EPHA4: variants seen among roughly 807,000 people sequenced by gnomAD.
The protein encoded by EPHA4 is EPH receptor A4.
In EPHA4, 19 loss-of-function variants were observed where a neutral mutation model predicts 108.3. The ratio of observed to expected loss-of-function variants is 0.18; its 90% CI spans 0.12 to 0.26. The LOEUF is 0.26. Among genes scored for constraint, EPHA4 ranks in the 10% least tolerant of loss-of-function variants. EPHA4 has a pLI of 1.00. For synonymous variants in EPHA4, 449 were observed against 455.5 expected (o/e 0.99, Z 0.18); for missense variants, 917 against 1,254.0 (o/e 0.73, Z 4.06).
At chr2:221,468,065 G>C (rs1269789048) in intron 5 of EPHA4, among the ~76,000 whole-genome samples, 4 of 152,066 alleles carry the variant, frequency 2.6e-5, no homozygotes, top group Non-Finnish European at 5.9e-5. Context: ...CTAGTGAGAT[G>C]AATCTTCTCA....
At chr2:221,523,092 T>C (rs1160118174) in intron 3 of EPHA4, among the ~76,000 whole-genome samples, 1 of 151,930 alleles carries the variant, frequency 6.6e-6, no homozygotes, top group Non-Finnish European at 1.5e-5. Flanking sequence ...TCTGTCCTTA[T>C]GCAGCATTTG....
intron 3 of EPHA4, among the ~76,000 whole-genome samples, chr2:221,508,477 G>C (rs1692700073): frequency 6.6e-6 from 1 of 152,000 alleles, no homozygotes; most frequent in Non-Finnish European, 1.5e-5. Context: ...TATTCTGGAG[G>C]CTGAGGCAGG....
At position 221,434,133 on chromosome 2, in the gene EPHA4, G is replaced by A. The variant is rs1188524432; in HGVS notation, c.2496+9C>T. 7 of 1,608,434 alleles carry A rather than the reference G, an allele frequency of 4.4e-6. No homozygotes were observed. The highest frequency in any genetic ancestry group is 2.2e-5 in the East Asian group (1 of 44,614). On this transcript the variant is annotated intron_variant, in intron 14 of 17. Coordinates refer to ENST00000281821, the MANE Select transcript of EPHA4 (RefSeq NM_004438.5). ...GTGAAAAAATATATTTCAGAACATA[G>A]AGACTTACATCTTGATTGGACATAT...
rs1689889070 is a variant in EPHA4, at chr2:221,425,967, A to G, written c.*61T>C. The G allele has an allele frequency of 2.5e-5, 34 of 1,386,712 alleles. No homozygotes were observed. The East Asian group carries it at 7.8e-4, about 32-fold the overall frequency. The allele number at this position is 1,386,712 out of a possible 1,614,324, so 85.9% of individuals were successfully genotyped here. ...CGAAGTAAAAAAAGTGCAGTTCTTCAATTAAAGTGCATGGATGAGGTAAAC... is the reference window on the plus strand; with the variant it reads ...CGAAGTAAAAAAAGTGCAGTTCTTCGATTAAAGTGCATGGATGAGGTAAAC... On this transcript the variant is annotated 3_prime_UTR_variant, in exon 17 of 18. Transcript: ENST00000281821.
chr2:221,447,525 C>T (rs999688936), intron 8 of EPHA4, among the ~76,000 whole-genome samples: 7 of 152,214 alleles, frequency 4.6e-5, no homozygotes, highest in Non-Finnish European at 1.5e-5. Context: ...ACATTCCTCT[C>T]CTAATTGTCA....
intron 17 of EPHA4, among the ~76,000 whole-genome samples, chr2:221,423,215 T>A (rs1349686369): frequency 1.3e-5 from 2 of 152,246 alleles, no homozygotes; most frequent in African/African-American, 4.8e-5. Flanking sequence ...GTGTTATTAT[T>A]AAGGTATCAT....
intron 11 of EPHA4, among the ~76,000 whole-genome samples, chr2:221,439,913 C>T (rs35517017): frequency 2.0e-5 from 3 of 151,958 alleles, no homozygotes; most frequent in South Asian, 2.1e-4. Context: ...TGAATTCACA[C>T]GCTTCCACTC....
At chr2:221,454,272 A>T (rs60321468) in intron 8 of EPHA4, among the ~76,000 whole-genome samples, 4,983 of 152,122 alleles carry the variant, frequency 0.033, 269 homozygotes, top group African/African-American at 0.11. Context: ...ATTATAATGT[A>T]TATCAGAGGA....
chr2:221,442,156 A>C (rs995666355), intron 11 of EPHA4, among the ~76,000 whole-genome samples: 43 of 152,182 alleles, frequency 2.8e-4, no homozygotes, highest in African/African-American at 9.2e-4. Flanking sequence ...TTAAACAGGG[A>C]CTGCCTCAGC....
In EPHA4 at chr2:221,564,151, G is replaced by C. The variant is rs749843233; in HGVS notation, c.403C>G (p.Arg135Gly). Reference sequence around the variant, plus strand: ...ACAAACTGGTTCTCTCTGATGAAACGCTCTTTGTCGTTGTCTGATTCATAG... The same window carrying C: ...ACAAACTGGTTCTCTCTGATGAAACCCTCTTTGTCGTTGTCTGATTCATAG... ...YYYESDNDKE[R>G]FIRENQFVKI... The change falls in exon 3 of 18, where the codon CGT becomes GGT. Residue 135 changes from arginine (R) to glycine (G), a missense_variant. Coordinates refer to ENST00000281821, the MANE Select transcript of EPHA4 (RefSeq NM_004438.5). 2.5e-6 allele frequency: 4 copies of C among 1,614,098 alleles called. No homozygotes were observed. The highest frequency in any genetic ancestry group is 2.2e-5 in the South Asian group (2 of 91,070).
At chr2:221,568,261 A>G (rs1336229845) in intron 2 of EPHA4, among the ~76,000 whole-genome samples, 2 of 152,240 alleles carry the variant, frequency 1.3e-5, no homozygotes, top group Non-Finnish European at 2.9e-5. Context: ...AGCAAGGTAC[A>G]GAGCCTTCCT....
rs138231669 is a variant in EPHA4 at position 221,426,048 on chromosome 2, C to T, written c.2941G>A (p.Gly981Ser). 1.3e-5 allele frequency: 21 copies of T among 1,613,906 alleles called. No homozygotes were observed. The highest frequency in any genetic ancestry group is 4.4e-5 in the South Asian group (4 of 91,076). The change falls in exon 17 of 18, where the codon GGC (glycine) becomes AGC (serine). Residue 981 changes from glycine (G) to serine (S), a missense_variant. By Grantham distance (56) the Gly-to-Ser change is moderately conservative (BLOSUM62 0). This residue lies in a region of EPHA4 where 26 missense variants were observed against 44.4 expected (regional missense o/e 0.59). Coordinates refer to ENST00000281821, the MANE Select transcript of EPHA4 (RefSeq NM_004438.5). ...AMRTQMQQMHGRMVPV is the reference protein window; with the variant it reads ...AMRTQMQQMHSRMVPV ...CTGGCTCAGACGGGAACCATTCTGC[C>T]GTGCATCTGCTGCATTTGGGTTCGC...
At chr2:221,503,086 A>G (rs1457957128) in intron 3 of EPHA4, among the ~76,000 whole-genome samples, 1 of 152,200 alleles carries the variant, frequency 6.6e-6, no homozygotes, top group Non-Finnish European at 1.5e-5. Context: ...CACATCAAAC[A>G]CAATGAGCCT....
At chr2:221,455,005 G>A (rs1015200504) in intron 8 of EPHA4, among the ~76,000 whole-genome samples, 1 of 152,130 alleles carries the variant, frequency 6.6e-6, no homozygotes, top group African/African-American at 2.4e-5. Flanking sequence ...TTGCTTTAGT[G>A]ACCATTACTG....
chr2:221,530,182 T>TA (rs931397405), intron 3 of EPHA4, among the ~76,000 whole-genome samples: 10 of 148,856 alleles, frequency 6.7e-5, no homozygotes, highest in East Asian at 1.9e-4. Context: ...TTTTTTCTCT[T>TA]AAAAAAAAAA....
intron 4 of EPHA4, among the ~76,000 whole-genome samples, chr2:221,494,030 CA>C (rs1692234647): frequency 6.6e-6 from 1 of 152,142 alleles, no homozygotes; most frequent in Non-Finnish European, 1.5e-5. Flanking sequence ...AAAGGCCCTT[CA>C]AGTTGGCAAT....
intron 5 of EPHA4, among the ~76,000 whole-genome samples, chr2:221,461,850 T>C (rs1559251153): frequency 6.6e-6 from 1 of 152,152 alleles, no homozygotes; most frequent in Admixed American, 6.6e-5. Context: ...CTCTTCTAAT[T>C]CAAGTTCTCT....
chr2:221,514,148 A>ATTGTCCCAAGAAATCGGT (rs1391967452), intron 3 of EPHA4, among the ~76,000 whole-genome samples: 1 of 151,768 alleles, frequency 6.6e-6, no homozygotes, highest in Non-Finnish European at 1.5e-5. Flanking sequence ...TTGATGGGTC[A>ATTGTCCCAAGAAATCGGT]TTGTCCCAAG....
At chr2:221,544,152 G>A (rs184523896) in intron 3 of EPHA4, among the ~76,000 whole-genome samples, 25 of 152,202 alleles carry the variant, frequency 1.6e-4, no homozygotes, top group African/African-American at 5.5e-4. Flanking sequence ...CATCACCTTG[G>A]TGGTTAAGAT....
Sources: gnomAD v4.1 joint callset for allele counts (sites outside exome capture counted in the v4.1 genomes callset) on GRCh38, gnomAD v4.1.1 for gene constraint, gnomAD v4.1.1 regional missense constraint, MANE v1.5 for transcripts, NCBI Gene and HGNC (gene_info 2026-07-23, HGNC 2026-07-21) for gene names.